Variants in FRAS1 observed in about 807,000 individuals in gnomAD.
FRAS1 encodes the protein Fraser extracellular matrix complex subunit 1.
A neutral mutation model predicts 435.2 loss-of-function variants in FRAS1; 290 were observed. That is an observed-to-expected ratio of 0.67 (90% CI 0.61 to 0.73). FRAS1 has a LOEUF of 0.73. Ranked by LOEUF, FRAS1 falls within the 30% of genes least tolerant of loss-of-function variation. The pLI, the probability that FRAS1 is intolerant of heterozygous loss-of-function variation, is 0.00. For synonymous variants in FRAS1, 1,800 were observed against 1,851.0 expected (o/e 0.97, Z 0.71); for missense variants, 4,860 against 5,001.5 (o/e 0.97, Z 0.85).
intron 33 of FRAS1, among the ~76,000 whole-genome samples, chr4:78,421,337 A>G (rs1049282922): frequency 1.3e-5 from 2 of 151,902 alleles, no homozygotes; most frequent in Admixed American, 6.6e-5. Flanking sequence ...TAGTAGATAC[A>G]GGGTTTCACC....
chr4:78,479,411 A>G lies in FRAS1; in HGVS notation c.8136A>G (p.Thr2712=). 1 of 1,530,554 alleles carries G rather than the reference A, an allele frequency of 6.5e-7. No individual in the cohort carries two copies. The highest frequency in any genetic ancestry group is 8.8e-7 in the Non-Finnish European group (1 of 1,135,496). 94.8% of individuals were successfully genotyped at this position (1,530,554 alleles called of 1,614,324 possible). ...ASSIVSAICY[T]VPKSAMGSSL... Reference sequence around the variant, plus strand: ...GCATTGTATCTGCAATTTGCTACACAGTCCCTAAGTCAGCTATGGGAAGTA... The same window carrying G: ...GCATTGTATCTGCAATTTGCTACACGGTCCCTAAGTCAGCTATGGGAAGTA... Residue 2712 remains threonine, a synonymous_variant, in exon 56 of 74, where the codon ACA becomes ACG. Coordinates refer to ENST00000512123, the MANE Select transcript of FRAS1 (RefSeq NM_025074.7).
chr4:78,317,338 T>C, intron 16 of FRAS1, 30 bp from the exon 17 acceptor site: 1 of 1,613,490 alleles, frequency 6.2e-7, no homozygotes, highest in East Asian at 2.2e-5. Flanking sequence ...CCATGTCCCA[T>C]GGCGTTCTCC....
intron 2 of FRAS1, among the ~76,000 whole-genome samples, chr4:78,142,008 TAA>T (rs745702834): frequency 5.9e-5 from 9 of 151,960 alleles, no homozygotes; most frequent in Non-Finnish European, 1.3e-4. Context: ...GGATGAGGGA[TAA>T]AAGACTACAA....
chr4:78,057,790 T>A lies in FRAS1; in HGVS notation c.-220T>A, dbSNP rs1739539601. The A allele has an allele frequency of 7.2e-6, 4 of 552,626 alleles. No individual in the cohort carries two copies. The highest frequency in any genetic ancestry group is 3.1e-5 in the Admixed American group (1 of 32,334). The allele number at this position is 552,626 out of a possible 1,614,324, so 34.2% of individuals were successfully genotyped here. ...CCTTGCGGGGGAACTCGGCGCGCTC[T>A]CTGCCTGAGCAGCGAGTGAATTGAA... On this transcript the variant is annotated 5_prime_UTR_variant, in exon 1 of 74. Coordinates refer to ENST00000512123, the MANE Select transcript of FRAS1 (RefSeq NM_025074.7). This position sits in a 1 kb window ranked among gnomAD's most constrained non-coding sequence, Gnocchi z 4.2.
At chr4:78,505,792 T>C (rs1343850023) in intron 61 of FRAS1, among the ~76,000 whole-genome samples, 1 of 152,198 alleles carries the variant, frequency 6.6e-6, no homozygotes, top group African/African-American at 2.4e-5. Context: ...GCTGCGATCC[T>C]TTGGAGGAGA....
At chr4:78,427,654 C>G (rs1560721208) in intron 35 of FRAS1, among the ~76,000 whole-genome samples, 1 of 152,166 alleles carries the variant, frequency 6.6e-6, no homozygotes, top group East Asian at 1.9e-4. Flanking sequence ...GAAGCAATGA[C>G]AATAATTTTG....
chr4:78,146,752 G>T (rs1720437580), intron 2 of FRAS1, among the ~76,000 whole-genome samples: 1 of 151,964 alleles, frequency 6.6e-6, no homozygotes, highest in South Asian at 2.1e-4. Context: ...TGTTAAATGA[G>T]TTTTTAGTGT....
intron 3 of FRAS1, 86 bp from the exon 4 acceptor site, chr4:78,245,147 A>C (rs1725172796): frequency 1.1e-6 from 1 of 872,740 alleles, no homozygotes; most frequent in Non-Finnish European, 1.9e-6. Context: ...GATTTAGTGA[A>C]TGTAAGATGA....
intron 2 of FRAS1, among the ~76,000 whole-genome samples, chr4:78,163,688 G>C (rs1367648355): frequency 6.6e-6 from 1 of 152,198 alleles, no homozygotes; most frequent in Non-Finnish European, 1.5e-5. Flanking sequence ...CTATAGTGCT[G>C]TGGTTTCTTT....
intron 19 of FRAS1, among the ~76,000 whole-genome samples, chr4:78,336,898 C>T (rs1441893475): frequency 2.6e-5 from 4 of 152,170 alleles, no homozygotes; most frequent in East Asian, 1.9e-4. Flanking sequence ...CCCTTGGCAG[C>T]GTCAATGCAG....
intron 14 of FRAS1, among the ~76,000 whole-genome samples, chr4:78,292,590 G>A (rs1332627295): frequency 6.6e-6 from 1 of 152,142 alleles, no homozygotes; most frequent in Non-Finnish European, 1.5e-5. Context: ...AATGGGTCTT[G>A]GTGTTGTGTT....
chr4:78,422,791 A>G (rs1733841751), intron 34 of FRAS1, among the ~76,000 whole-genome samples: 2 of 152,174 alleles, frequency 1.3e-5, no homozygotes, highest in African/African-American at 4.8e-5. Context: ...CAGTGATGTC[A>G]ATGGACTTGA....
chr4:78,215,129 GT>G (rs1460173922), intron 2 of FRAS1, among the ~76,000 whole-genome samples: 1 of 151,958 alleles, frequency 6.6e-6, no homozygotes, highest in Non-Finnish European at 1.5e-5. Flanking sequence ...TAAAATGTTT[GT>G]TTTAAAAAAA....
intron 2 of FRAS1, among the ~76,000 whole-genome samples, chr4:78,087,293 C>T (rs1578114472): frequency 6.6e-6 from 1 of 151,852 alleles, no homozygotes; most frequent in African/African-American, 2.4e-5. Flanking sequence ...TAAGAGCTAT[C>T]TATGACAAAC....
chr4:78,267,975 C>T (rs1302099144), intron 9 of FRAS1, among the ~76,000 whole-genome samples: 2 of 152,258 alleles, frequency 1.3e-5, no homozygotes, highest in African/African-American at 4.8e-5. Context: ...TTAACCTCTG[C>T]TGTCTGCAGA....
At chr4:78,177,945 T>A (rs934324103) in intron 2 of FRAS1, among the ~76,000 whole-genome samples, 2 of 152,178 alleles carry the variant, frequency 1.3e-5, no homozygotes, top group African/African-American at 4.8e-5. Context: ...TTCCGCAAAC[T>A]GGGTGACTTA....
chr4:78,068,229 GA>G, intron 2 of FRAS1, among the ~76,000 whole-genome samples: 1 of 152,212 alleles, frequency 6.6e-6, no homozygotes, highest in Non-Finnish European at 1.5e-5. Context: ...GGGCTATGGG[GA>G]AAAATATTGT....
Position 78,088,324 on chromosome 4 carries a change from C to T in FRAS1, c.108+22308C>T, listed in dbSNP as rs182962196. Among the ~76,000 whole-genome samples the T allele has an allele frequency of 5.7e-3, 874 of 152,226 alleles. 12 individuals carry two copies. The highest frequency in any genetic ancestry group is 0.02 in the African/African-American group (840 of 41,540). On this transcript the variant is annotated intron_variant, in intron 2 of 73. Transcript: ENST00000512123. ...ATGTTAGACCTAAAACCATAAAAAC[C>T]TTAGAGGAAAACCTAGGCAATACCA...
At position 78,506,854 on chromosome 4, in the gene FRAS1, C is replaced by A. The variant is rs558933814; in HGVS notation, c.9317-567C>A. On this transcript the variant is annotated intron_variant, in intron 61 of 73. Transcript: ENST00000512123. ...CGTCAATCATGCTGGGAGCTGCAGA[C>A]CAGAGCTGTTCCTATTCGGCCATCT... Among the ~76,000 whole-genome samples, 8 of 152,168 alleles carry A rather than the reference C, an allele frequency of 5.3e-5. No homozygotes were observed. The East Asian group carries it at 1.3e-3, about 26-fold the overall frequency.
Sources: allele counts gnomAD v4.1 joint callset (sites outside exome capture counted in the v4.1 genomes callset), GRCh38; gene constraint gnomAD v4.1.1; non-coding constraint Gnocchi (gnomAD v3.1); transcripts MANE v1.5; gene names NCBI Gene and HGNC (gene_info 2026-07-23, HGNC 2026-07-21).